DOCK1: variants seen among roughly 807,000 people sequenced by gnomAD.
DOCK1 encodes dedicator of cytokinesis protein 1.
In DOCK1, 138 loss-of-function variants were observed where a neutral mutation model predicts 262.7. The ratio of observed to expected loss-of-function variants is 0.53; its 90% CI spans 0.46 to 0.61. DOCK1 has a LOEUF of 0.61. Among genes scored for constraint, DOCK1 ranks in the 20% least tolerant of loss-of-function variants. DOCK1 has a pLI of 0.00. For synonymous variants in DOCK1, 866 were observed against 867.4 expected, an observed-to-expected ratio of 1.00 and a Z score of 0.03; for missense variants, 1,908 against 2,370.7, an observed-to-expected ratio of 0.80 and a Z score of 4.05.
intron 51 of DOCK1, among the ~76,000 whole-genome samples, chr10:127,447,913 G>C (rs1025404796): frequency 6.6e-6 from 1 of 152,180 alleles, no homozygotes; most frequent in Non-Finnish European, 1.5e-5. Flanking sequence ...TTTCTATCAA[G>C]AGGTCTGACT....
At chr10:127,313,607 A>G (rs1392191519) in intron 29 of DOCK1, among the ~76,000 whole-genome samples, 1 of 152,014 alleles carries the variant, frequency 6.6e-6, no homozygotes, top group Non-Finnish European at 1.5e-5. Flanking sequence ...GCAGGTGCAC[A>G]TTTTCAGAAG....
chr10:127,050,730 C>T (rs988569108), intron 21 of DOCK1, among the ~76,000 whole-genome samples: 16 of 151,670 alleles, frequency 1.1e-4, no homozygotes, highest in Non-Finnish European at 8.8e-5. Context: ...AGTTTTATGC[C>T]CATTTATCCA....
chr10:127,270,392 C>T (rs2060519112), intron 29 of DOCK1, among the ~76,000 whole-genome samples: 1 of 152,204 alleles, frequency 6.6e-6, no homozygotes, highest in Admixed American at 6.5e-5. Context: ...TCCATTCTAT[C>T]CCTTTTCACT....
intron 25 of DOCK1, among the ~76,000 whole-genome samples, chr10:127,113,400 T>G (rs1446728837): frequency 6.6e-6 from 1 of 152,204 alleles, no homozygotes; most frequent in Non-Finnish European, 1.5e-5. Flanking sequence ...CTTCTCAGCT[T>G]GTGTGTTGCC....
At chr10:127,139,277 G>C (rs2050997986) in intron 27 of DOCK1, among the ~76,000 whole-genome samples, 2 of 152,062 alleles carry the variant, frequency 1.3e-5, no homozygotes, top group Non-Finnish European at 2.9e-5. Context: ...AAACAGCCAA[G>C]CTATATTATC....
chr10:126,920,403 T>C (rs1256536620), intron 1 of DOCK1, among the ~76,000 whole-genome samples: 1 of 152,308 alleles, frequency 6.6e-6, no homozygotes, highest in African/African-American at 2.4e-5. Context: ...TGAAGGGAGA[T>C]TGTGCTTGAG....
In DOCK1 at chr10:127,000,145, A is replaced by G. The variant is rs746296494; in HGVS notation, c.850-27A>G. The stretch of plus-strand genomic sequence containing the variant: ...TTGCATTGAATAATGGGTCTCCAAA[A>G]TAATTTATGGAAACTAATATTTCTA... On this transcript the variant is annotated intron_variant, in intron 9 of 51. Coordinates refer to ENST00000623213, the MANE Select transcript of DOCK1 (RefSeq NM_001290223.2). 1.9e-6 allele frequency: 3 copies of G among 1,611,294 alleles called. No individual in the cohort carries two copies. In the African/African-American group the frequency reaches 4.0e-5, roughly 22 times the overall value.
chr10:127,278,008 G>A (rs888653608), intron 29 of DOCK1, among the ~76,000 whole-genome samples: 2 of 152,086 alleles, frequency 1.3e-5, no homozygotes, highest in African/African-American at 4.8e-5. Context: ...AGCAGGTATG[G>A]AGCACGCACA....
At position 127,093,239 on chromosome 10, in the gene DOCK1, C is replaced by CTT. The variant is rs372397425; in HGVS notation, c.2446-12991_2446-12990dup. On this transcript the variant is annotated intron_variant, in intron 23 of 51. Transcript: ENST00000623213. ...CTTTCTTTTCTTTCTTTCTTTCTTT[C>CTT]TTCTTTTTTTTTTTTTTTTTTTTGG... is the stretch of plus-strand genomic sequence containing the variant. Among the ~76,000 whole-genome samples, 76 of 94,248 alleles carry CTT rather than the reference C, an allele frequency of 8.1e-4. 1 individual carries two copies. The highest frequency in any genetic ancestry group is 3.5e-3 in the South Asian group (10 of 2,850). The allele number at this position is 94,248 out of a possible 152,430, so 61.8% of individuals were successfully genotyped here.
At chr10:127,055,757 G>T (rs1352454062) in intron 22 of DOCK1, among the ~76,000 whole-genome samples, 16 of 152,134 alleles carry the variant, frequency 1.1e-4, no homozygotes, top group Non-Finnish European at 1.6e-4. Flanking sequence ...TATCTCTTTG[G>T]CTTTAAGTAT....
At chr10:127,268,254 A>G (rs372710608) in intron 29 of DOCK1, among the ~76,000 whole-genome samples, 1 of 152,118 alleles carries the variant, frequency 6.6e-6, no homozygotes, top group East Asian at 1.9e-4. Flanking sequence ...GCAGTGGCTC[A>G]TGCCTGTAAT....
Position 126,944,330 on chromosome 10 carries a change from G to A in DOCK1, c.47-26372G>A, listed in dbSNP as rs896201907. On this transcript the variant is annotated intron_variant, in intron 1 of 51. Transcript: ENST00000623213. ...GGGCACAGGGTGCAGGGCTGTGCCC[G>A]TGGTAGACAGTAGGAAATGCTTGCT... Among the ~76,000 whole-genome samples the A allele has an allele frequency of 9.2e-3, 1,403 of 152,210 alleles. 20 individuals are homozygous for A. The highest frequency in any genetic ancestry group is 0.03 in the African/African-American group (1,254 of 41,530).
intron 3 of DOCK1, 103 bp from the exon 4 acceptor site, chr10:126,981,815 G>T: frequency 8.9e-7 from 1 of 1,123,300 alleles, no homozygotes; most frequent in Non-Finnish European, 1.3e-6. Flanking sequence ...AATTAAGAGC[G>T]ATCTAGCCAC....
chr10:127,158,457 C>G (rs1200322612), intron 27 of DOCK1, among the ~76,000 whole-genome samples: 1 of 152,142 alleles, frequency 6.6e-6, no homozygotes, highest in Non-Finnish European at 1.5e-5. Context: ...TAATTGCTAC[C>G]TTTGTAAAGC....
intron 10 of DOCK1, 91 bp downstream of exon 10, chr10:127,000,398 C>T (rs1018558633): frequency 1.8e-5 from 27 of 1,488,350 alleles, no homozygotes; most frequent in African/African-American, 2.8e-5. Flanking sequence ...GGACAATGCA[C>T]AGCTGTGATT....
chr10:127,016,664 CAT>C (rs1491005230), intron 12 of DOCK1: 2 of 151,510 alleles, frequency 1.3e-5, no homozygotes, highest in African/African-American at 4.9e-5. Flanking sequence ...CACACACACA[CAT>C]GCACACATAC....
chr10:126,992,398 G>A (rs1463119604), intron 6 of DOCK1, among the ~76,000 whole-genome samples: 1 of 152,146 alleles, frequency 6.6e-6, no homozygotes, highest in East Asian at 1.9e-4. Context: ...TAATAAGACA[G>A]GTTTTTTGCC....
intron 27 of DOCK1, among the ~76,000 whole-genome samples, chr10:127,173,819 T>C (rs9418752): frequency 0.5 from 76,586 of 152,080 alleles, 20,842 homozygotes; most frequent in East Asian, 0.75. Flanking sequence ...AAACCCAAGA[T>C]TGAACAAGGC....
In DOCK1 at chr10:127,248,028, G is replaced by A. The variant is rs759069075; in HGVS notation, c.2868G>A (p.Met956Ile). Residue 956 changes from methionine (M) to isoleucine (I), a missense_variant, in exon 28 of 52, where the codon ATG (methionine) becomes ATA (isoleucine). Transcript: ENST00000623213. ...TACAGGGAAACTTCGTGGCTTGCAT[G>A]ACAGCTATTTTACGACAAATGGAAG... ...SELIGNFVACMTAILRQMEDY... is the reference protein window; with the variant it reads ...SELIGNFVACITAILRQMEDY... 1.2e-6 allele frequency: 2 copies of A among 1,613,894 alleles called. No individual in the cohort carries two copies. Among genetic ancestry groups the A allele is most frequent in the East Asian group, 4.5e-5 (2 of 44,880 alleles).
Sources: gnomAD v4.1 joint callset for allele counts (sites outside exome capture counted in the v4.1 genomes callset) on GRCh38, gnomAD v4.1.1 for gene constraint, MANE v1.5 for transcripts, NCBI Gene and HGNC (gene_info 2026-07-23, HGNC 2026-07-21) for gene names.